Variants in SEL1L2 observed in about 807,000 individuals in gnomAD.
The protein encoded by SEL1L2 is SEL1L2 adaptor subunit of SYVN1 ubiquitin ligase, also known as protein sel-1 homolog 2.
In SEL1L2, 89 loss-of-function variants were observed where a neutral mutation model predicts 98.8. The observed-to-expected ratio is 0.90, with a 90% CI of 0.76 to 1.07. SEL1L2 has a LOEUF of 1.07. SEL1L2 is among the 50% of genes least tolerant of loss of function. The probability of loss-of-function intolerance (pLI) is 0.00; values close to 1 mark genes in which losing one functional copy is unlikely to be tolerated. For missense variants in SEL1L2, 788 were observed against 812.0 expected (o/e 0.97, Z 0.36); for synonymous variants, 262 against 278.5 (o/e 0.94, Z 0.59).
intron 5 of SEL1L2, among the ~76,000 whole-genome samples, chr20:13,904,357 T>C (rs1268495726): frequency 1.3e-5 from 2 of 152,094 alleles, no homozygotes; most frequent in African/African-American, 2.4e-5. Flanking sequence ...GGTGAAACCC[T>C]GTCTCTACTA....
chr20:13,957,511 C>T (rs6131540), intron 1 of SEL1L2, among the ~76,000 whole-genome samples: 1 of 152,172 alleles, frequency 6.6e-6, no homozygotes, highest in Non-Finnish European at 1.5e-5. Flanking sequence ...TAATCTAGAC[C>T]TTATAGGAAC....
intron 5 of SEL1L2, among the ~76,000 whole-genome samples, chr20:13,901,927 T>G (rs1201380467): frequency 1.3e-5 from 2 of 152,172 alleles, no homozygotes; most frequent in East Asian, 3.8e-4. Context: ...CCTTCCAAAG[T>G]GCTGGAATTA....
intron 1 of SEL1L2, among the ~76,000 whole-genome samples, chr20:13,983,429 G>T (rs996166665): frequency 2.6e-5 from 4 of 152,128 alleles, no homozygotes; most frequent in African/African-American, 9.7e-5. Flanking sequence ...GGGTAGAGGG[G>T]CAGAGAGAGG....
intron 1 of SEL1L2, among the ~76,000 whole-genome samples, chr20:13,970,939 ATT>A (rs2051257732): frequency 6.7e-6 from 1 of 150,048 alleles, no homozygotes; most frequent in South Asian, 2.1e-4. Flanking sequence ...AGGAATATTA[ATT>A]TTTTCTCACC....
At chr20:13,933,274 T>G (rs1255443131) in intron 2 of SEL1L2, among the ~76,000 whole-genome samples, 1 of 152,136 alleles carries the variant, frequency 6.6e-6, no homozygotes, top group East Asian at 1.9e-4. Context: ...ATATTATAAA[T>G]TATATATTAA....
intron 5 of SEL1L2, among the ~76,000 whole-genome samples, chr20:13,908,837 A>G (rs1216843329): frequency 6.6e-6 from 1 of 152,326 alleles, no homozygotes; most frequent in East Asian, 1.9e-4. Flanking sequence ...AAACCACTAA[A>G]GGTGCATGAA....
At chr20:13,958,307 C>T (rs1410809953) in intron 1 of SEL1L2, among the ~76,000 whole-genome samples, 1 of 151,848 alleles carries the variant, frequency 6.6e-6, no homozygotes, top group Non-Finnish European at 1.5e-5. Context: ...TTTAAGATGC[C>T]TTGAGGATAT....
chr20:13,902,651 C>T (rs2047733369), intron 5 of SEL1L2, among the ~76,000 whole-genome samples: 1 of 152,150 alleles, frequency 6.6e-6, no homozygotes, highest in African/African-American at 2.4e-5. Flanking sequence ...TCATCTTGTA[C>T]ATTTATTCTC....
chr20:13,947,803 T>C (rs2050087657), intron 2 of SEL1L2, among the ~76,000 whole-genome samples: 1 of 152,230 alleles, frequency 6.6e-6, no homozygotes, highest in African/African-American at 2.4e-5. Context: ...AAAAGCCACT[T>C]TGCAGTGCAT....
At chr20:13,875,244 A>G (rs1455545223) in intron 12 of SEL1L2, among the ~76,000 whole-genome samples, 2 of 152,332 alleles carry the variant, frequency 1.3e-5, no homozygotes, top group East Asian at 1.9e-4. Context: ...AGCTGGGACT[A>G]CAGGTATGTG....
intron 5 of SEL1L2, among the ~76,000 whole-genome samples, chr20:13,906,638 C>T (rs1261583304): frequency 6.6e-6 from 1 of 151,776 alleles, no homozygotes; most frequent in Non-Finnish European, 1.5e-5. Context: ...TAGCACAGTT[C>T]TAATAACCTA....
intron 12 of SEL1L2, among the ~76,000 whole-genome samples, chr20:13,874,611 T>G (rs1178542378): frequency 1.3e-5 from 2 of 152,226 alleles, no homozygotes; most frequent in Admixed American, 1.3e-4. Flanking sequence ...TTCAGTCTGC[T>G]CTTCCTTGTC....
In SEL1L2 at chr20:13,850,230, C is replaced by T. The variant is rs758553223; in HGVS notation, c.1908G>A (p.Leu636=). The change falls in exon 19 of 20, where the codon CTG becomes CTA. Residue 636 remains leucine, a synonymous_variant. Transcript: ENST00000284951. ...HIPVLFAVMK[L]ETTHLLRDIL... ...TATCCCGGAGCAAATGCGTAGTTTCCAGTTTCATGACGGCAAAGAGCACAG... is the reference window on the plus strand; with the variant it reads ...TATCCCGGAGCAAATGCGTAGTTTCTAGTTTCATGACGGCAAAGAGCACAG... 2 of 1,613,954 alleles carry T rather than the reference C, an allele frequency of 1.2e-6. No individual in the cohort carries two copies. Among genetic ancestry groups the T allele is most frequent in the Non-Finnish European group, 1.7e-6 (2 of 1,179,924 alleles).
intron 1 of SEL1L2, among the ~76,000 whole-genome samples, chr20:13,962,362 C>A (rs987311074): frequency 1.3e-5 from 2 of 152,178 alleles, no homozygotes; most frequent in African/African-American, 4.8e-5. Context: ...AGTCCTTAGG[C>A]CTTGCAGCCT....
chr20:13,865,041 G>A lies in SEL1L2; in HGVS notation c.1645+126C>T, dbSNP rs914023459. 5.7e-6 allele frequency: 4 copies of A among 707,250 alleles called. No individual in the cohort carries two copies. The Admixed American group carries it at 7.0e-5, about 12-fold the overall frequency. 43.8% of individuals were successfully genotyped at this position (707,250 alleles called of 1,614,324 possible). Reference sequence around the variant, plus strand: ...ACTGACCCTAACATCAGTATAGTTTGAAATGTCACCTACTTGATATTCTAC... The same window carrying A: ...ACTGACCCTAACATCAGTATAGTTTAAAATGTCACCTACTTGATATTCTAC... On this transcript the variant is annotated intron_variant, in intron 17 of 19. Coordinates refer to ENST00000284951, the MANE Select transcript of SEL1L2 (RefSeq NM_025229.2).
intron 2 of SEL1L2, among the ~76,000 whole-genome samples, chr20:13,936,296 T>A (rs1296315716): frequency 6.6e-6 from 1 of 152,178 alleles, no homozygotes; most frequent in African/African-American, 2.4e-5. Context: ...GAAATGATAA[T>A]AGCCCTTCCC....
intron 10 of SEL1L2, among the ~76,000 whole-genome samples, chr20:13,879,975 G>A (rs2046618868): frequency 2.0e-5 from 3 of 152,106 alleles, no homozygotes; most frequent in Admixed American, 2.0e-4. Context: ...ACCTCATCCT[G>A]TCCGTATTGT....
chr20:13,864,766 T>C (rs1990730846), intron 17 of SEL1L2, among the ~76,000 whole-genome samples: 1 of 152,196 alleles, frequency 6.6e-6, no homozygotes, highest in South Asian at 2.1e-4. Context: ...CTTAGATACA[T>C]ACATAACTAA....
At position 13,917,980 on chromosome 20, in the gene SEL1L2, G is replaced by A. The variant is rs541277124; in HGVS notation, c.386+1041C>T. On this transcript the variant is annotated intron_variant, in intron 4 of 19. Transcript: ENST00000284951. The stretch of plus-strand genomic sequence containing the variant: ...ATGTCTGGCTAATTTTTGTAGAGAC[G>A]GGGTTTCACCATATTGGCCAGGCTG... Among the ~76,000 whole-genome samples the A allele has an allele frequency of 2.9e-3, 438 of 151,290 alleles. 1 individual carries two copies. Among genetic ancestry groups the A allele is most frequent in the Admixed American group, 4.7e-3 (71 of 15,166 alleles).
Sources: gnomAD v4.1 joint callset for allele counts (sites outside exome capture counted in the v4.1 genomes callset) on GRCh38, gnomAD v4.1.1 for gene constraint, MANE v1.5 for transcripts, NCBI Gene and HGNC (gene_info 2026-07-23, HGNC 2026-07-21) for gene names.